CDH13: variants seen among roughly 807,000 people sequenced by gnomAD.
CDH13 encodes the protein cadherin-13.
Under a neutral mutation model 63.8 loss-of-function variants are expected in CDH13, and 24 were observed. The observed-to-expected ratio is 0.38, with a 90% CI of 0.27 to 0.53. The LOEUF is 0.53. Ranked by LOEUF, CDH13 falls within the 20% of genes least tolerant of loss-of-function variation. The pLI is 0.85. For missense variants in CDH13, 1,049 were observed against 903.1 expected, an observed-to-expected ratio of 1.16 and a Z score of -2.07; for synonymous variants, 503 against 355.3, an observed-to-expected ratio of 1.42 and a Z score of -4.67.
chr16:83,600,430 AAAGG>A (rs1283123553), intron 7 of CDH13, among the ~76,000 whole-genome samples: 4 of 152,232 alleles, frequency 2.6e-5, no homozygotes, highest in African/African-American at 9.6e-5. Flanking sequence ...CTCAGAAGTT[AAAGG>A]AACAGCAATG....
intron 5 of CDH13, among the ~76,000 whole-genome samples, chr16:83,333,150 C>G (rs537932202): frequency 6.6e-6 from 1 of 152,256 alleles, no homozygotes; most frequent in Admixed American, 6.5e-5. Flanking sequence ...CTTAAAATGT[C>G]TTTTCCCTGG....
intron 2 of CDH13, among the ~76,000 whole-genome samples, chr16:82,944,682 C>A (rs557155789): frequency 1.4e-4 from 22 of 152,104 alleles, no homozygotes; most frequent in Non-Finnish European, 2.6e-4. Flanking sequence ...TGTTGAGAAA[C>A]CCTGGGTACC....
intron 2 of CDH13, among the ~76,000 whole-genome samples, chr16:83,013,273 G>GT (rs1914343840): frequency 6.6e-6 from 1 of 152,190 alleles, no homozygotes; most frequent in African/African-American, 2.4e-5. Context: ...TACAAAAACA[G>GT]TAGTGGGCCG....
chr16:82,929,281 T>A (rs3848298), intron 2 of CDH13, among the ~76,000 whole-genome samples: 47,889 of 151,874 alleles, frequency 0.32, 9,307 homozygotes, highest in Non-Finnish European at 0.44. Context: ...AGGACTTTAC[T>A]CTCAGGATAT....
At chr16:83,240,058 G>T (rs1433509487) in intron 5 of CDH13, among the ~76,000 whole-genome samples, 1 of 152,178 alleles carries the variant, frequency 6.6e-6, no homozygotes, top group Non-Finnish European at 1.5e-5. Context: ...CAGGAGGTTG[G>T]GTGCAGGGGA....
chr16:83,237,039 G>A (rs2040165918), intron 5 of CDH13, among the ~76,000 whole-genome samples: 1 of 152,168 alleles, frequency 6.6e-6, no homozygotes, highest in Non-Finnish European at 1.5e-5. Flanking sequence ...TGAGGACCAG[G>A]AGGAAGAGGG....
At chr16:83,485,158 G>C (rs965023671) in intron 6 of CDH13, among the ~76,000 whole-genome samples, 3 of 152,178 alleles carry the variant, frequency 2.0e-5, no homozygotes, top group African/African-American at 7.2e-5. Flanking sequence ...TTCCCCTGTT[G>C]ATGAACAGCT....
At chr16:82,877,418 T>C (rs535169266) in intron 2 of CDH13, among the ~76,000 whole-genome samples, 1 of 152,306 alleles carries the variant, frequency 6.6e-6, no homozygotes, top group East Asian at 1.9e-4. Context: ...TTAAGTCAGG[T>C]TGACGAAGGT....
intron 1 of CDH13, among the ~76,000 whole-genome samples, chr16:82,848,906 A>G (rs1435622460): frequency 6.6e-6 from 1 of 152,208 alleles, no homozygotes; most frequent in Non-Finnish European, 1.5e-5. Flanking sequence ...TGTGCCAAAG[A>G]GTAAAGTTGT....
chr16:83,533,324 A>G (rs1365751972), intron 7 of CDH13, among the ~76,000 whole-genome samples: 1 of 152,184 alleles, frequency 6.6e-6, no homozygotes, highest in African/African-American at 2.4e-5. Context: ...CACTGAGCGG[A>G]AGATAAATAC....
chr16:82,841,590 A>G (rs2039012430), intron 1 of CDH13, among the ~76,000 whole-genome samples: 1 of 152,194 alleles, frequency 6.6e-6, no homozygotes, highest in Non-Finnish European at 1.5e-5. Flanking sequence ...CTCTTACTAT[A>G]AAACCAAAAT....
At chr16:83,216,266 T>C (rs928153565) in intron 4 of CDH13, among the ~76,000 whole-genome samples, 4 of 150,934 alleles carry the variant, frequency 2.7e-5, no homozygotes, top group Admixed American at 2.6e-4. Context: ...CTCTAGAGAA[T>C]GGAAGATGTG....
Position 82,897,169 on chromosome 16 carries a change from G to A in CDH13, c.157+38696G>A, listed in dbSNP as rs186575103. On this transcript the variant is annotated intron_variant, in intron 2 of 13. Coordinates refer to ENST00000567109, the MANE Select transcript of CDH13 (RefSeq NM_001257.5). ...CCATCAAAAAAGTTTTAAATTCACA[G>A]GAGTGGGTTTGCCTTAGCATAGCTT... 7.7e-3 allele frequency among the ~76,000 whole-genome samples: 1,176 copies of A among 152,236 alleles called. 8 individuals carry two copies. Among genetic ancestry groups the A allele is most frequent in the Admixed American group, 0.012 (179 of 15,302 alleles).
chr16:82,720,177 A>C (rs938650694), intron 1 of CDH13, among the ~76,000 whole-genome samples: 1 of 152,044 alleles, frequency 6.6e-6, no homozygotes, highest in African/African-American at 2.4e-5. Context: ...CGGTGGTCGT[A>C]GTGGTGGTGG....
intron 4 of CDH13, among the ~76,000 whole-genome samples, chr16:83,176,994 G>C (rs1406866406): frequency 6.6e-6 from 1 of 152,126 alleles, no homozygotes; most frequent in Admixed American, 6.6e-5. Context: ...ATGAGGCACT[G>C]CCATCCACTG....
At chr16:83,413,003 C>G (rs569152209) in intron 6 of CDH13, among the ~76,000 whole-genome samples, 2 of 152,162 alleles carry the variant, frequency 1.3e-5, no homozygotes, top group Admixed American at 1.3e-4. Flanking sequence ...CTATTGTTTT[C>G]TTTGTCCAAT....
At chr16:83,234,842 C>CTAT (rs2040099253) in intron 5 of CDH13, among the ~76,000 whole-genome samples, 1 of 152,146 alleles carries the variant, frequency 6.6e-6, no homozygotes, top group Admixed American at 6.5e-5. Context: ...AGTGAAAGAA[C>CTAT]CAAATGACAA....
intron 3 of CDH13, among the ~76,000 whole-genome samples, chr16:83,080,001 A>C (rs766261123): frequency 6.6e-6 from 1 of 152,252 alleles, no homozygotes; most frequent in Non-Finnish European, 1.5e-5. Context: ...CGTTTGGACT[A>C]ATAAAAATGA....
At chr16:82,835,821 T>C (rs1422071062) in intron 1 of CDH13, among the ~76,000 whole-genome samples, 2 of 152,222 alleles carry the variant, frequency 1.3e-5, no homozygotes, top group Non-Finnish European at 1.5e-5. Context: ...ATTTAATTCT[T>C]GGCCAGAGTC....
Sources: gnomAD v4.1 joint callset for allele counts (sites outside exome capture counted in the v4.1 genomes callset) on GRCh38, gnomAD v4.1.1 for gene constraint, MANE v1.5 for transcripts, NCBI Gene and HGNC (gene_info 2026-07-23, HGNC 2026-07-21) for gene names.